The following TBC1D19 variants were observed in gnomAD, a reference collection of about 807,000 sequenced individuals.
The protein encoded by TBC1D19 is TBC1 domain family, member 19.
A neutral mutation model predicts 89.0 loss-of-function variants in TBC1D19; 60 were observed. That is an observed-to-expected ratio of 0.67 (90% CI 0.55 to 0.84). The LOEUF (loss-of-function observed/expected upper bound fraction) is 0.84. TBC1D19 is among the 40% of genes least tolerant of loss of function. The pLI is 0.00. For synonymous variants in TBC1D19, 189 were observed against 199.7 expected, an observed-to-expected ratio of 0.95 and a Z score of 0.45; for missense variants, 500 against 610.8, an observed-to-expected ratio of 0.82 and a Z score of 1.91.
At chr4:26,769,909 T>A in the TBC1D19 span, among the ~76,000 whole-genome samples, 1 of 152,090 alleles carries the variant, frequency 6.6e-6, no homozygotes, top group Non-Finnish European at 1.5e-5. Context: ...TGTGATAAGT[T>A]AAATACGTAT....
At chr4:26,751,449 A>G (rs1718955263) in intron 19 of TBC1D19, among the ~76,000 whole-genome samples, 1 of 152,204 alleles carries the variant, frequency 6.6e-6, no homozygotes, top group Admixed American at 6.5e-5. Context: ...ATGATTCCAG[A>G]TATTAGGAAG....
chr4:26,579,498 T>C (rs1739029344), upstream of TBC1D19, among the ~76,000 whole-genome samples: 1 of 152,152 alleles, frequency 6.6e-6, no homozygotes, highest in South Asian at 2.1e-4. Flanking sequence ...CTGCCTTTTT[T>C]TTTTTAAATT....
At chr4:26,683,921 CATTCTCTGTT>C (rs1158735103) in intron 12 of TBC1D19, among the ~76,000 whole-genome samples, 172 bp downstream of exon 12, 1 of 152,110 alleles carries the variant, frequency 6.6e-6, no homozygotes, top group Non-Finnish European at 1.5e-5. Flanking sequence ...TTGCAGTTTG[CATTCTCTGTT>C]ATCTTCTTTC....
At chr4:26,781,629 G>A in the TBC1D19 span, among the ~76,000 whole-genome samples, 1 of 152,204 alleles carries the variant, frequency 6.6e-6, no homozygotes, top group East Asian at 1.9e-4. Flanking sequence ...CAGCCTTTAA[G>A]TCCTGAGGAT....
intron 1 of TBC1D19, among the ~76,000 whole-genome samples, chr4:26,607,168 C>T (rs1189841948): frequency 6.6e-6 from 1 of 152,006 alleles, no homozygotes; most frequent in Non-Finnish European, 1.5e-5. Flanking sequence ...TGTACTGTAC[C>T]CTCTCTCACT....
intron 7 of TBC1D19, among the ~76,000 whole-genome samples, chr4:26,657,858 T>A (rs1744964909): frequency 6.6e-6 from 1 of 152,240 alleles, no homozygotes; most frequent in African/African-American, 2.4e-5. Flanking sequence ...ATTTTTTATA[T>A]GTTTCTTGGC....
chr4:26,672,723 A>G (rs1282568021), intron 10 of TBC1D19, among the ~76,000 whole-genome samples: 3 of 151,916 alleles, frequency 2.0e-5, no homozygotes, highest in Non-Finnish European at 4.4e-5. Context: ...TTGAGATATG[A>G]AGTACAGATT....
chr4:26,623,529 C>T (rs1272466262), intron 4 of TBC1D19, among the ~76,000 whole-genome samples: 2 of 152,134 alleles, frequency 1.3e-5, no homozygotes, highest in Admixed American at 1.3e-4. Flanking sequence ...CCACAGCTTC[C>T]TTCTTTTTTG....
At chr4:26,581,533 C>T (rs1225360161), upstream of TBC1D19, among the ~76,000 whole-genome samples, 1 of 152,192 alleles carries the variant, frequency 6.6e-6, no homozygotes, top group Non-Finnish European at 1.5e-5. Flanking sequence ...GCTTCATGGC[C>T]TGCAAAGGCC....
chr4:26,743,823 C>T (rs1718503644), intron 18 of TBC1D19, among the ~76,000 whole-genome samples: 1 of 151,526 alleles, frequency 6.6e-6, no homozygotes, highest in African/African-American at 2.4e-5. Context: ...GTGAAATGAA[C>T]ATTGGAGTAT....
intron 19 of TBC1D19, among the ~76,000 whole-genome samples, chr4:26,752,243 C>CTTTTTTTT (rs758735137): frequency 1.6e-5 from 2 of 128,920 alleles, no homozygotes; most frequent in Non-Finnish European, 3.3e-5. Context: ...ATATTTCTTT[C>CTTTTTTTT]TTTTTTTTTT....
chr4:26,577,167 G>T (rs1460067552), intron 1 of TBC1D19, among the ~76,000 whole-genome samples: 2 of 152,118 alleles, frequency 1.3e-5, no homozygotes, highest in African/African-American at 2.4e-5. Flanking sequence ...ATTCAAGACT[G>T]CAATATCAAC....
chr4:26,735,639 G>A (rs1343103468), intron 16 of TBC1D19, 152 bp downstream of exon 16: 2 of 585,034 alleles, frequency 3.4e-6, no homozygotes, highest in South Asian at 4.0e-5. Context: ...TCCCCATAGG[G>A]GCTTCATTTT....
Position 26,739,925 on chromosome 4 carries a change from G to A in TBC1D19, c.1179G>A (p.Met393Ile). ...PSKLYQIFREMYVRFFFRLHS... is the reference protein window; with the variant it reads ...PSKLYQIFREIYVRFFFRLHS... ...AATTGTATCAGATATTCCGTGAGAT[G>A]TATGTGCGTTTTTTCTTCAGACTCC... Residue 393 changes from methionine (M) to isoleucine (I), a missense_variant, in exon 17 of 21, where the codon ATG becomes ATA. By Grantham distance (10) the Met-to-Ile change is conservative. Transcript: ENST00000264866. 2.5e-6 allele frequency: 4 copies of A among 1,597,420 alleles called. No individual in the cohort carries two copies. The highest frequency in any genetic ancestry group is 1.3e-5 in the African/African-American group (1 of 74,166).
chr4:26,617,646 A>AT (rs1193789454), intron 3 of TBC1D19, among the ~76,000 whole-genome samples: 1 of 152,232 alleles, frequency 6.6e-6, no homozygotes, highest in Non-Finnish European at 1.5e-5. Flanking sequence ...AGACAGTGCA[A>AT]TTATTAGTCT....
At position 26,659,624 on chromosome 4, in the gene TBC1D19, T is replaced by C; in HGVS notation, c.508T>C (p.Tyr170His). Reference protein sequence around the residue: ...EVLINLRNPNYENGDSLSFRT... With the variant: ...EVLINLRNPNHENGDSLSFRT... The stretch of plus-strand genomic sequence containing the variant: ...ATTAATTAATCTTCGCAACCCAAAT[T>C]ATGAAAACGGTGATTCTCTTAGTTT... Residue 170 changes from tyrosine to histidine, a missense_variant, in exon 8 of 21, where the codon TAT (tyrosine) becomes CAT (histidine). Tyr to His is a moderately conservative substitution (Grantham distance 83). This residue lies in a region of TBC1D19 where 280 missense variants were observed against 291.7 expected (regional missense o/e 0.96). Coordinates refer to ENST00000264866, the MANE Select transcript of TBC1D19 (RefSeq NM_018317.4). 6.3e-7 allele frequency: 1 copy of C among 1,590,610 alleles called. No individual in the cohort carries two copies. Among genetic ancestry groups the C allele is most frequent in the Non-Finnish European group, 8.6e-7 (1 of 1,163,994 alleles).
chr4:26,673,862 A>G lies in TBC1D19; in HGVS notation c.790A>G (p.Ile264Val). ...ACTGAGAGCTGAATTGTGGGCTCTC[A>G]TTTTGAATATTTCCAGCCAACCTGA... ...TALRAELWALILNISSQPEDV... is the reference protein window; with the variant it reads ...TALRAELWALVLNISSQPEDV... The change falls in exon 11 of 21, where the codon ATT (isoleucine) becomes GTT (valine). Residue 264 changes from isoleucine to valine, a missense_variant. This residue lies in a region of TBC1D19 where 220 missense variants were observed against 319.1 expected (regional missense o/e 0.69). Coordinates refer to ENST00000264866, the MANE Select transcript of TBC1D19 (RefSeq NM_018317.4). 1.9e-6 allele frequency: 3 copies of G among 1,604,616 alleles called. No individual in the cohort carries two copies. The highest frequency in any genetic ancestry group is 2.2e-5 in the East Asian group (1 of 44,504).
intron 15 of TBC1D19, among the ~76,000 whole-genome samples, chr4:26,733,033 C>T (rs1426014527): frequency 6.6e-6 from 1 of 152,108 alleles, no homozygotes; most frequent in Non-Finnish European, 1.5e-5. Context: ...AAAATTGATA[C>T]ACAACATAAA....
At chr4:26,748,708 A>G (rs541253924) in intron 19 of TBC1D19, among the ~76,000 whole-genome samples, 182 bp downstream of exon 19, 1 of 152,360 alleles carries the variant, frequency 6.6e-6, no homozygotes, top group African/African-American at 2.4e-5. Context: ...ACTTTTATGT[A>G]ACTGCACAAT....
Sources: gnomAD v4.1 joint callset for allele counts (sites outside exome capture counted in the v4.1 genomes callset) on GRCh38, gnomAD v4.1.1 for gene constraint, gnomAD v4.1.1 regional missense constraint, MANE v1.5 for transcripts, NCBI Gene and HGNC (gene_info 2026-07-23, HGNC 2026-07-21) for gene names.